The following CALN1 variants were observed in gnomAD, a reference collection of about 807,000 sequenced individuals.
CALN1 encodes the protein calneuron 1.
CALN1 carries 17 observed loss-of-function variants against 30.6 expected under a neutral mutation model. That is an observed-to-expected ratio of 0.56 (90% CI 0.38 to 0.83). The LOEUF (loss-of-function observed/expected upper bound fraction) is 0.83, where lower values mean the gene tolerates loss of function less well. CALN1 is among the 40% of genes least tolerant of loss of function. The pLI is 0.00. For missense variants in CALN1, 291 were observed against 354.9 expected (o/e 0.82, Z 1.45); for synonymous variants, 156 against 131.4 (o/e 1.19, Z -1.28).
intron 3 of CALN1, among the ~76,000 whole-genome samples, chr7:72,183,039 TTTTTG>T (rs1789930872): frequency 1.3e-5 from 2 of 152,058 alleles, no homozygotes; most frequent in South Asian, 4.1e-4. Flanking sequence ...CTATGGGGCT[TTTTTG>T]TTTGTTTTTG....
intron 5 of CALN1, among the ~76,000 whole-genome samples, chr7:71,978,830 C>T (rs1798240779): frequency 6.6e-6 from 1 of 152,212 alleles, no homozygotes; most frequent in Non-Finnish European, 1.5e-5. Context: ...CATTTATGCA[C>T]ATAATGAAAC....
At chr7:72,396,790 G>A (rs763570450) in intron 2 of CALN1, among the ~76,000 whole-genome samples, 5 of 152,164 alleles carry the variant, frequency 3.3e-5, no homozygotes, top group Admixed American at 6.5e-5. Flanking sequence ...TAGTCATGGA[G>A]ACCTGACCAC....
intron 4 of CALN1, among the ~76,000 whole-genome samples, chr7:72,053,039 G>A (rs1348393203): frequency 1.3e-5 from 2 of 152,212 alleles, no homozygotes; most frequent in African/African-American, 2.4e-5. Context: ...AGACCAGCCT[G>A]GCCAATATGG....
intron 3 of CALN1, among the ~76,000 whole-genome samples, chr7:72,177,752 GA>G (rs71517077): frequency 0.013 from 1,676 of 132,134 alleles, 42 homozygotes; most frequent in African/African-American, 0.042. Context: ...GCGACAGAGG[GA>G]AAAAAAAAAA....
chr7:72,430,964 A>ATTTT (rs781481392), intron 1 of CALN1, among the ~76,000 whole-genome samples: 9 of 118,982 alleles, frequency 7.6e-5, no homozygotes, highest in South Asian at 2.8e-4. Flanking sequence ...AAGCCAAGCT[A>ATTTT]TTTTTTTTTT....
intron 3 of CALN1, among the ~76,000 whole-genome samples, chr7:72,106,518 G>A (rs894941397): frequency 6.7e-6 from 1 of 149,038 alleles, no homozygotes; most frequent in Admixed American, 6.8e-5. Flanking sequence ...GGAGGAGAAG[G>A]GAAAATGAGA....
intron 3 of CALN1, among the ~76,000 whole-genome samples, chr7:72,215,610 AAGGC>A (rs1449415203): frequency 1.3e-5 from 2 of 151,706 alleles, no homozygotes; most frequent in African/African-American, 2.4e-5. Flanking sequence ...AAAAAAAAAA[AAGGC>A]AAAGGAGAAA....
At chr7:72,501,370 T>TAAAAAAAAAAAAAAAA in the CALN1 span, among the ~76,000 whole-genome samples, 7 of 42,808 alleles carry the variant, frequency 1.6e-4, no homozygotes, top group Admixed American at 4.2e-4. Context: ...ACGTCTCTAT[T>TAAAAAAAAAAAAAAAA]AAAAAAAAAA....
chr7:72,343,292 T>G (rs1166487578), intron 2 of CALN1, among the ~76,000 whole-genome samples: 4 of 152,112 alleles, frequency 2.6e-5, no homozygotes, highest in East Asian at 3.9e-4. Flanking sequence ...GTGCGGTGGC[T>G]CACGCCTGTA....
intron 5 of CALN1, among the ~76,000 whole-genome samples, chr7:71,948,778 A>T (rs1288606129): frequency 1.3e-5 from 2 of 151,090 alleles, no homozygotes; most frequent in Non-Finnish European, 2.9e-5. Flanking sequence ...GCAGTGGCTC[A>T]TGCATGCAAT....
At chr7:72,143,591 C>T (rs1352895197) in intron 3 of CALN1, among the ~76,000 whole-genome samples, 5 of 152,154 alleles carry the variant, frequency 3.3e-5, no homozygotes, top group Admixed American at 6.5e-5. Context: ...TCTAGCAAGG[C>T]AGGCCAACAT....
In CALN1 at chr7:71,988,149, A is replaced by G. The variant is rs541643203; in HGVS notation, c.501+35508T>C. Among the ~76,000 whole-genome samples, 3 of 152,318 alleles carry G rather than the reference A, an allele frequency of 2.0e-5. No homozygotes were observed. In the South Asian group the frequency reaches 6.2e-4, roughly 32 times the overall value. On this transcript the variant is annotated intron_variant, in intron 5 of 6. Transcript: ENST00000395275. Reference sequence around the variant, plus strand: ...TCGTCATCACAGCAGACACTGATACAGTACTTGTCATGTGTCAGGAAGTGT... The same window carrying G: ...TCGTCATCACAGCAGACACTGATACGGTACTTGTCATGTGTCAGGAAGTGT...
intron 2 of CALN1, among the ~76,000 whole-genome samples, chr7:72,308,373 G>A (rs1585432209): frequency 5.4e-5 from 1 of 18,488 alleles, no homozygotes; most frequent in African/African-American, 1.6e-4. Flanking sequence ...GTGGGGGGGG[G>A]AGAGAGAGAG....
chr7:71,834,934 C>T (rs180913671), intron 5 of CALN1, among the ~76,000 whole-genome samples: 70 of 152,294 alleles, frequency 4.6e-4, no homozygotes, highest in African/African-American at 1.7e-3. Flanking sequence ...TGGGCTCAGG[C>T]AATCCTCCCA....
chr7:72,378,703 G>A (rs1804711396), intron 2 of CALN1, among the ~76,000 whole-genome samples: 1 of 145,444 alleles, frequency 6.9e-6, no homozygotes, highest in South Asian at 2.1e-4. Context: ...TTTTTTTTGA[G>A]ACGGAATCTC....
intron 6 of CALN1, among the ~76,000 whole-genome samples, chr7:71,809,337 C>T (rs1359841530): frequency 6.6e-6 from 1 of 151,872 alleles, no homozygotes; most frequent in African/African-American, 2.4e-5. Context: ...GCTCCAAGCA[C>T]ACTAGCCTCC....
intron 2 of CALN1, among the ~76,000 whole-genome samples, chr7:72,382,108 C>T (rs1341332350): frequency 6.6e-6 from 1 of 152,088 alleles, no homozygotes; most frequent in Non-Finnish European, 1.5e-5. Context: ...AAATGCAAGC[C>T]CCTTGGATGG....
At chr7:72,308,372 GGAGA>G (rs150660773) in intron 2 of CALN1, among the ~76,000 whole-genome samples, 3,205 of 92,456 alleles carry the variant, frequency 0.035, 489 homozygotes, top group African/African-American at 0.15. Flanking sequence ...TGTGGGGGGG[GGAGA>G]GAGAGAGAGA....
At chr7:72,195,513 C>G (rs1474575296) in intron 3 of CALN1, among the ~76,000 whole-genome samples, 1 of 152,138 alleles carries the variant, frequency 6.6e-6, no homozygotes, top group East Asian at 1.9e-4. Context: ...GTAGCTGGGA[C>G]TATAGGCAGG....
Sources: allele counts gnomAD v4.1 joint callset (sites outside exome capture counted in the v4.1 genomes callset), GRCh38; gene constraint gnomAD v4.1.1; transcripts MANE v1.5; gene names NCBI Gene and HGNC (gene_info 2026-07-23, HGNC 2026-07-21).